CAMLG: variants seen among roughly 807,000 people sequenced by gnomAD.
The protein encoded by CAMLG is guided entry of tail-anchored proteins factor CAMLG.
CAMLG carries 23 observed loss-of-function variants against 28.9 expected under a neutral mutation model. That is an observed-to-expected ratio of 0.80 (90% CI 0.57 to 1.13). The LOEUF is 1.13. Ranked by LOEUF, CAMLG falls within the 50% of genes most tolerant of loss-of-function variation. The probability of loss-of-function intolerance (pLI) is 0.00; values close to 1 mark genes in which losing one functional copy is unlikely to be tolerated. For synonymous variants in CAMLG, 141 were observed against 146.5 expected (o/e 0.96, Z 0.27); for missense variants, 367 against 371.9 (o/e 0.99, Z 0.11).
In CAMLG at chr5:134,751,004, T is replaced by C; in HGVS notation, c.*54T>C. 11 of 1,368,658 alleles carry C rather than the reference T, an allele frequency of 8.0e-6. No homozygotes were observed. The South Asian group carries it at 1.3e-4, about 16-fold the overall frequency. 84.8% of individuals were successfully genotyped at this position (1,368,658 alleles called of 1,614,324 possible). On this transcript the variant is annotated 3_prime_UTR_variant, in exon 4 of 4. Coordinates refer to ENST00000297156, the MANE Select transcript of CAMLG (RefSeq NM_001745.4). ...ACAAAAAAAAAAAAATCCTCTTCTA[T>C]ATTGCAGTGTCTCTAAAGGAGGCAA...
chr5:134,744,762 T>A (rs1333480518), intron 3 of CAMLG, among the ~76,000 whole-genome samples: 6 of 152,216 alleles, frequency 3.9e-5, no homozygotes, highest in Admixed American at 2.0e-4. Context: ...GTACTTCATA[T>A]TGGACACTTA....
chr5:134,744,020 G>A lies in CAMLG; in HGVS notation c.667G>A (p.Ala223Thr), dbSNP rs1753015575. 1 of 1,446,128 alleles carries A rather than the reference G, an allele frequency of 6.9e-7. No homozygotes were observed. Among genetic ancestry groups the A allele is most frequent in the Non-Finnish European group, 9.7e-7 (1 of 1,030,254 alleles). The allele number at this position is 1,446,128 out of a possible 1,614,324, so 89.6% of individuals were successfully genotyped here. The change falls in exon 3 of 4, where the codon GCG becomes ACG. Residue 223 changes from alanine (A) to threonine (T), a missense_variant. By Grantham distance (58) the Ala-to-Thr change is moderately conservative. Transcript: ENST00000297156. ...TGCTCCATTTCTTACTTTACAACTTGCGTACATGGGATTATACAAATATTT... is the reference window on the plus strand; with the variant it reads ...TGCTCCATTTCTTACTTTACAACTTACGTACATGGGATTATACAAATATTT... ...IFAPFLTLQLAYMGLYKYFPK... is the reference protein window; with the variant it reads ...IFAPFLTLQLTYMGLYKYFPK...
chr5:134,747,362 T>C (rs1697731722), intron 3 of CAMLG, among the ~76,000 whole-genome samples: 1 of 152,174 alleles, frequency 6.6e-6, no homozygotes, highest in Admixed American at 6.6e-5. Context: ...TAGGTAATTT[T>C]TTTTTTTTGA....
intron 2 of CAMLG, 23 bp downstream of exon 2, chr5:134,741,546 TTAAC>T (rs766442038): frequency 2.8e-6 from 4 of 1,436,644 alleles, no homozygotes; most frequent in African/African-American, 2.8e-5. Flanking sequence ...CTGTAAATTA[TTAAC>T]TAACTTAATG....
chr5:134,746,137 CAA>C (rs1156938843), intron 3 of CAMLG, among the ~76,000 whole-genome samples: 13 of 77,104 alleles, frequency 1.7e-4, no homozygotes, highest in African/African-American at 3.3e-4. Flanking sequence ...AACTCCATCT[CAA>C]AAAAAAAAAA....
chr5:134,743,965 A>G, intron 2 of CAMLG, 22 bp from the exon 3 acceptor site: 1 of 1,133,408 alleles, frequency 8.8e-7, no homozygotes, highest in East Asian at 2.4e-5. Context: ...GAAATATTTA[A>G]TTTTATCTTC....
chr5:134,748,556 C>G (rs1326874490), intron 3 of CAMLG, among the ~76,000 whole-genome samples: 1 of 152,076 alleles, frequency 6.6e-6, no homozygotes, highest in African/African-American at 2.4e-5. Context: ...AAAATTAGTT[C>G]TAATATGAAG....
rs755283193 is a variant in CAMLG at position 134,741,218 on chromosome 5, C to G, written c.328C>G (p.Leu110Val). 1.2e-6 allele frequency: 2 copies of G among 1,614,158 alleles called. No homozygotes were observed. The highest frequency in any genetic ancestry group is 2.2e-5 in the East Asian group (1 of 44,878). ...GGVAEVKGTQ[L>V]GDKLDSFIKP... ...TGTGGCCGAGGTAAAGGGGACCCAACTGGGAGACAAATTGGACTCGTTCAT... is the reference window on the plus strand; with the variant it reads ...TGTGGCCGAGGTAAAGGGGACCCAAGTGGGAGACAAATTGGACTCGTTCAT... Residue 110 changes from leucine to valine, a missense_variant, in exon 2 of 4, where the codon CTG becomes GTG. By Grantham distance (32) the Leu-to-Val change is conservative (BLOSUM62 1). Transcript: ENST00000297156.
intron 3 of CAMLG, among the ~76,000 whole-genome samples, chr5:134,744,817 A>C (rs1190055579): frequency 6.6e-6 from 1 of 152,226 alleles, no homozygotes; most frequent in Admixed American, 6.5e-5. Context: ...TGATATTTGC[A>C]ATAAATATTT....
rs1561842272 is a variant in CAMLG, at chr5:134,744,019, T to G, written c.666T>G (p.Leu222=). ...SIFAPFLTLQ[L]AYMGLYKYFP... The stretch of plus-strand genomic sequence containing the variant: ...TTGCTCCATTTCTTACTTTACAACT[T>G]GCGTACATGGGATTATACAAATATT... The change falls in exon 3 of 4, where the codon CTT becomes CTG. Residue 222 remains leucine, a synonymous_variant. Coordinates refer to ENST00000297156, the MANE Select transcript of CAMLG (RefSeq NM_001745.4). 1 of 1,449,836 alleles carries G rather than the reference T, an allele frequency of 6.9e-7. No individual in the cohort carries two copies. The highest frequency in any genetic ancestry group is 2.3e-5 in the East Asian group (1 of 44,052). 89.8% of individuals were successfully genotyped at this position (1,449,836 alleles called of 1,614,324 possible).
rs553804960 is a variant in CAMLG, at chr5:134,744,057, AT to A, written c.699+7del. On this transcript the variant is annotated splice_donor_region_variant and intron_variant, in intron 3 of 3. Transcript: ENST00000297156. ...TTATACAAATATTTTCCCAAGGTAA[AT>A]TAATTTTTTTTCTAAATTTCGATGA... is the stretch of plus-strand genomic sequence containing the variant. 4.6e-6 allele frequency: 6 copies of A among 1,311,632 alleles called. No individual in the cohort carries two copies. The highest frequency in any genetic ancestry group is 6.5e-6 in the Non-Finnish European group (6 of 917,368). 81.2% of individuals were successfully genotyped at this position (1,311,632 alleles called of 1,614,324 possible).
Position 134,741,522 on chromosome 5 carries a change from T to G in CAMLG, c.632T>G (p.Leu211Trp), listed in dbSNP as rs1011682135. 2 of 1,578,270 alleles carry G rather than the reference T, an allele frequency of 1.3e-6. No homozygotes were observed. The highest frequency in any genetic ancestry group is 2.7e-5 in the African/African-American group (2 of 73,730). The change falls in exon 2 of 4, where the codon TTG becomes TGG. Residue 211 changes from leucine to tryptophan, a missense_variant and splice_region_variant. Coordinates refer to ENST00000297156, the MANE Select transcript of CAMLG (RefSeq NM_001745.4). ...LGVRAFVCKY[L>W]SIFAPFLTLQ... ...GTCAGAGCTTTTGTTTGCAAATACTTGGTAAGAAAAGATCTGTAAATTATT... is the reference window on the plus strand; with the variant it reads ...GTCAGAGCTTTTGTTTGCAAATACTGGGTAAGAAAAGATCTGTAAATTATT...
chr5:134,738,706 C>T lies in CAMLG; in HGVS notation c.86C>T (p.Ala29Val), dbSNP rs746065550. Reference protein sequence around the residue: ...GSGLSASQRRAELRRRKLLMN... With the variant: ...GSGLSASQRRVELRRRKLLMN... ...GGTCTGTCGGCTTCCCAGCGTCGGG[C>T]GGAGCTGCGTCGGAGAAAGCTGCTC... The change falls in exon 1 of 4, where the codon GCG becomes GTG. Residue 29 changes from alanine (A) to valine (V), a missense_variant. Ala to Val is a moderately conservative substitution (Grantham distance 64, BLOSUM62 0). Transcript: ENST00000297156. 1.9e-6 allele frequency: 3 copies of T among 1,613,326 alleles called. No homozygotes were observed. The highest frequency in any genetic ancestry group is 3.3e-5 in the Admixed American group (2 of 59,952).
intron 3 of CAMLG, among the ~76,000 whole-genome samples, chr5:134,746,295 AAAAAT>A (rs1753048669): frequency 6.6e-6 from 1 of 152,146 alleles, no homozygotes; most frequent in Non-Finnish European, 1.5e-5. Context: ...TTTGAAAAGA[AAAAAT>A]AATGTATTAT....
chr5:134,742,903 T>C (rs1753001418), intron 2 of CAMLG, among the ~76,000 whole-genome samples: 1 of 152,152 alleles, frequency 6.6e-6, no homozygotes, highest in Admixed American at 6.5e-5. Flanking sequence ...CACGCACGGC[T>C]AATTTTTTGT....
intron 1 of CAMLG, among the ~76,000 whole-genome samples, chr5:134,740,763 C>G (rs1332046050): frequency 6.6e-6 from 1 of 152,084 alleles, no homozygotes; most frequent in Non-Finnish European, 1.5e-5. Context: ...ACACACGCCA[C>G]CACACCCAGC....
In CAMLG at chr5:134,750,845, T is replaced by C. The variant is rs1440535233; in HGVS notation, c.786T>C (p.Asp262=). The change falls in exon 4 of 4, where the codon GAT becomes GAC. Residue 262 remains aspartate (D), a synonymous_variant. Coordinates refer to ENST00000297156, the MANE Select transcript of CAMLG (RefSeq NM_001745.4). ...IPAEVINRSM[D]TYSKMGEVFT... The stretch of plus-strand genomic sequence containing the variant: ...CCGAAGTGATAAATCGATCAATGGA[T>C]ACCTATAGCAAAATGGGCGAAGTCT... 1 of 1,613,826 alleles carries C rather than the reference T, an allele frequency of 6.2e-7. No homozygotes were observed. Among genetic ancestry groups the C allele is most frequent in the Admixed American group, 1.7e-5 (1 of 60,006 alleles).
chr5:134,741,410 C>A lies in CAMLG; in HGVS notation c.520C>A (p.Pro174Thr). Reference protein sequence around the residue: ...KLRKQLISEKPSQEDGNTTEE... With the variant: ...KLRKQLISEKTSQEDGNTTEE... Reference sequence around the variant, plus strand: ...AAGGAAACAGCTGATTAGTGAAAAACCCAGTCAAGAGGATGGAAATACAAC... The same window carrying A: ...AAGGAAACAGCTGATTAGTGAAAAAACCAGTCAAGAGGATGGAAATACAAC... Residue 174 changes from proline (P) to threonine (T), a missense_variant, in exon 2 of 4, where the codon CCC becomes ACC. Transcript: ENST00000297156. 3.1e-6 allele frequency: 5 copies of A among 1,613,804 alleles called. No individual in the cohort carries two copies. Among genetic ancestry groups the A allele is most frequent in the Non-Finnish European group, 4.2e-6 (5 of 1,179,690 alleles).
chr5:134,738,580 A>G lies in CAMLG; in HGVS notation c.-41A>G, dbSNP rs111282208. The G allele has an allele frequency of 8.5e-6, 13 of 1,523,542 alleles. No individual in the cohort carries two copies. Among genetic ancestry groups the G allele is most frequent in the African/African-American group, 8.4e-5 (6 of 71,644 alleles). 94.4% of individuals were successfully genotyped at this position (1,523,542 alleles called of 1,614,324 possible). A position where few individuals can be genotyped will look rare whatever the true frequency, so the allele number is the denominator to read the frequency against. ...CATCGCCCTCGCAGCGGCGGCCAAC[A>G]TCACCGCCACTGCCACCCCTCCCAG... On this transcript the variant is annotated 5_prime_UTR_variant, in exon 1 of 4. Transcript: ENST00000297156.
Sources: allele counts gnomAD v4.1 joint callset (sites outside exome capture counted in the v4.1 genomes callset), GRCh38; gene constraint gnomAD v4.1.1; transcripts MANE v1.5; gene names NCBI Gene and HGNC (gene_info 2026-07-23, HGNC 2026-07-21).